Variants in CCDC149 observed in about 807,000 individuals in gnomAD.
CCDC149 encodes coiled-coil domain-containing protein 149.
In CCDC149, 45 loss-of-function variants were observed where a neutral mutation model predicts 59.9. The observed-to-expected ratio is 0.75, with a 90% CI of 0.59 to 0.96. The LOEUF (loss-of-function observed/expected upper bound fraction) is 0.96, where lower values mean the gene tolerates loss of function less well. Among genes scored for constraint, CCDC149 ranks in the 40% least tolerant of loss-of-function variants. CCDC149 has a pLI of 0.00. For missense variants in CCDC149, 584 were observed against 664.7 expected (o/e 0.88, Z 1.33); for synonymous variants, 245 against 260.6 (o/e 0.94, Z 0.58).
chr4:24,973,508 T>C (rs948665703), intron 1 of CCDC149, among the ~76,000 whole-genome samples: 2 of 152,226 alleles, frequency 1.3e-5, no homozygotes, highest in African/African-American at 4.8e-5. Flanking sequence ...CCCCTTTTGT[T>C]TGCACTTGGA....
chr4:24,839,034 A>T (rs1334416948), intron 4 of CCDC149, among the ~76,000 whole-genome samples: 65 of 101,236 alleles, frequency 6.4e-4, no homozygotes, highest in African/African-American at 1.5e-3. Context: ...TCTCTCACAC[A>T]CACACACACA....
At chr4:24,964,640 G>C (rs1002522208) in intron 1 of CCDC149, among the ~76,000 whole-genome samples, 1 of 152,126 alleles carries the variant, frequency 6.6e-6, no homozygotes, top group Admixed American at 6.5e-5. Context: ...GGAGAGAATA[G>C]TGAAAGTGGA....
At chr4:24,916,790 G>GTA (rs1176199525), upstream of CCDC149, among the ~76,000 whole-genome samples, 3 of 110,364 alleles carry the variant, frequency 2.7e-5, no homozygotes, top group African/African-American at 1.3e-4. Flanking sequence ...TTATAATGGT[G>GTA]TGTGTGTGTG....
intron 4 of CCDC149, among the ~76,000 whole-genome samples, chr4:24,842,619 G>A (rs544429945): frequency 4.6e-5 from 7 of 152,258 alleles, no homozygotes; most frequent in South Asian, 4.2e-4. Flanking sequence ...GGTGTGAGTC[G>A]TCAGCTTGCG....
chr4:24,897,826 C>T lies in CCDC149; in HGVS notation c.63+14991G>A, dbSNP rs138561738. On this transcript the variant is annotated intron_variant, in intron 1 of 12. Transcript: ENST00000635206. ...TAACTAGGAGGTTCTCAGAAGAGGC[C>T]GCAGAAATGGCAGCTGCCCAGGCTT... 1.5e-4 allele frequency among the ~76,000 whole-genome samples: 23 copies of T among 152,220 alleles called. 1 individual carries two copies. Among genetic ancestry groups the T allele is most frequent in the African/African-American group, 4.6e-4 (19 of 41,532 alleles).
intron 9 of CCDC149, among the ~76,000 whole-genome samples, chr4:24,823,597 A>G (rs140485445): frequency 3.3e-4 from 50 of 152,338 alleles, no homozygotes; most frequent in African/African-American, 1.0e-3. Flanking sequence ...CACTAGAATT[A>G]TTCTCCTATC....
intron 1 of CCDC149, among the ~76,000 whole-genome samples, chr4:24,937,654 G>A (rs1214857187): frequency 6.6e-6 from 1 of 152,162 alleles, no homozygotes; most frequent in Non-Finnish European, 1.5e-5. Context: ...AGCTTGCTGA[G>A]GAAGAGGAGG....
At chr4:24,838,296 A>C (rs781468456) in intron 4 of CCDC149, 24 bp from the exon 5 acceptor site, 1 of 1,550,486 alleles carries the variant, frequency 6.4e-7, no homozygotes, top group South Asian at 1.1e-5. Context: ...TGGTAGAAAA[A>C]GAAAAAGGCA....
At chr4:24,848,440 G>T (rs191093046) in intron 4 of CCDC149, among the ~76,000 whole-genome samples, 2 of 151,998 alleles carry the variant, frequency 1.3e-5, no homozygotes, top group Non-Finnish European at 2.9e-5. Context: ...GTGGTGGCGC[G>T]TGCCTGTAGT....
intron 4 of CCDC149, among the ~76,000 whole-genome samples, chr4:24,852,188 C>A (rs1717700558): frequency 6.6e-6 from 1 of 151,596 alleles, no homozygotes; most frequent in Non-Finnish European, 1.5e-5. Flanking sequence ...TTCTAATAAC[C>A]AACAACTCCC....
intron 1 of CCDC149, among the ~76,000 whole-genome samples, chr4:24,893,976 A>T (rs1577459712): frequency 6.6e-6 from 1 of 152,110 alleles, no homozygotes; most frequent in South Asian, 2.1e-4. Flanking sequence ...TCACTCATTC[A>T]TTCCTTCATT....
At chr4:24,873,642 G>C in intron 3 of CCDC149, 39 bp downstream of exon 3, 1 of 1,379,536 alleles carries the variant, frequency 7.2e-7, no homozygotes, top group Non-Finnish European at 1.0e-6. Flanking sequence ...TTGCTGCTAG[G>C]TATCAATAAA....
At position 24,807,558 on chromosome 4, in the gene CCDC149, A is replaced by G. The variant is rs192241451; in HGVS notation, c.*831T>C. On this transcript the variant is annotated 3_prime_UTR_variant, in exon 13 of 13. Transcript: ENST00000635206. ...ATGGCCATACAATCCTGTATGTGAG[A>G]CAGGCTGAATGCAGAGAATGAGCAT... 1 of 152,288 alleles carries G rather than the reference A, an allele frequency of 6.6e-6. No individual in the cohort carries two copies. The highest frequency in any genetic ancestry group is 1.5e-5 in the Non-Finnish European group (1 of 68,026). 9.4% of individuals were successfully genotyped at this position (152,288 alleles called of 1,614,324 possible). A position where few individuals can be genotyped will look rare whatever the true frequency, so the allele number is the denominator to read the frequency against.
At chr4:24,848,451 C>T (rs1199783003) in intron 4 of CCDC149, among the ~76,000 whole-genome samples, 1 of 152,038 alleles carries the variant, frequency 6.6e-6, no homozygotes, top group African/African-American at 2.4e-5. Flanking sequence ...TGCCTGTAGT[C>T]CCAGCTACTC....
intron 3 of CCDC149, among the ~76,000 whole-genome samples, chr4:24,867,001 G>A (rs898624380): frequency 2.0e-5 from 3 of 152,008 alleles, no homozygotes; most frequent in Non-Finnish European, 2.9e-5. Context: ...TGTTGACTAC[G>A]GTTTTTCCCA....
intron 9 of CCDC149, chr4:24,827,153 G>A (rs1178569489): frequency 6.6e-6 from 1 of 152,206 alleles, no homozygotes; most frequent in Non-Finnish European, 1.5e-5. Flanking sequence ...TGTGAAGACA[G>A]AACTCACACA....
At chr4:24,808,857 G>A (rs916115978) in intron 12 of CCDC149, 38 bp from the exon 13 acceptor site, 29 of 1,499,666 alleles carry the variant, frequency 1.9e-5, no homozygotes, top group Non-Finnish European at 2.5e-5. Flanking sequence ...ACCTCTGGCA[G>A]CAAATCAGCC....
At chr4:24,861,211 C>T (rs1472292568) in intron 3 of CCDC149, among the ~76,000 whole-genome samples, 1 of 151,340 alleles carries the variant, frequency 6.6e-6, no homozygotes, top group Non-Finnish European at 1.5e-5. Context: ...TAGAACTAGC[C>T]CAAATGCCCA....
chr4:24,831,739 A>G, intron 8 of CCDC149, 89 bp from the exon 9 acceptor site: 1 of 1,198,712 alleles, frequency 8.3e-7, no homozygotes. Context: ...GGATAATGAT[A>G]TGTCCCCAGC....
Sources: gnomAD v4.1 joint callset for allele counts (sites outside exome capture counted in the v4.1 genomes callset) on GRCh38, gnomAD v4.1.1 for gene constraint, MANE v1.5 for transcripts, NCBI Gene and HGNC (gene_info 2026-07-23, HGNC 2026-07-21) for gene names.